The following PTK2 variants were observed in gnomAD, a reference collection of about 807,000 sequenced individuals.
PTK2 encodes focal adhesion kinase 1.
In PTK2, 45 loss-of-function variants were observed where a neutral mutation model predicts 150.1. That is an observed-to-expected ratio of 0.30 (90% CI 0.24 to 0.38). The LOEUF (loss-of-function observed/expected upper bound fraction) is 0.38, where lower values mean the gene tolerates loss of function less well. Among genes scored for constraint, PTK2 ranks in the 10% least tolerant of loss-of-function variants. PTK2 has a pLI of 1.00. For missense variants in PTK2, 919 were observed against 1,307.3 expected (o/e 0.70, Z 4.58); for synonymous variants, 432 against 449.2 (o/e 0.96, Z 0.48).
chr8:140,995,612 C>T (rs1193122733), intron 1 of PTK2, among the ~76,000 whole-genome samples: 3 of 151,452 alleles, frequency 2.0e-5, no homozygotes, highest in African/African-American at 4.9e-5. Flanking sequence ...GAACAGCCTG[C>T]GGAACACGGC....
intron 11 of PTK2, among the ~76,000 whole-genome samples, chr8:140,802,662 A>G (rs2100095798): frequency 6.6e-6 from 1 of 152,186 alleles, no homozygotes; most frequent in African/African-American, 2.4e-5. Context: ...TAAGGGCTCT[A>G]TGCAGGTGTA....
At chr8:140,701,056 T>A (rs754771596) in intron 25 of PTK2, 34 bp from the exon 29 acceptor site, 4 of 1,603,778 alleles carry the variant, frequency 2.5e-6, no homozygotes, top group Non-Finnish European at 3.4e-6. Context: ...ATATTCAGTC[T>A]CATAAGTCTA....
At chr8:140,837,745 A>G (rs1448518731) in intron 7 of PTK2, among the ~76,000 whole-genome samples, 1 of 146,926 alleles carries the variant, frequency 6.8e-6, no homozygotes. Flanking sequence ...ACAAACAAAA[A>G]CAAAAAAAGT....
chr8:141,001,495 C>G (rs940119773), upstream of PTK2: 4 of 152,340 alleles, frequency 2.6e-5, no homozygotes, highest in East Asian at 1.9e-4. Flanking sequence ...CGGGGTGGCC[C>G]GAGGCTGCGC....
intron 10 of PTK2, among the ~76,000 whole-genome samples, chr8:140,813,170 A>G (rs1412479035): frequency 6.6e-6 from 1 of 152,236 alleles, no homozygotes; most frequent in African/African-American, 2.4e-5. Flanking sequence ...AACTGAAATC[A>G]TAATAACCAT....
At chr8:140,887,226 C>T (rs2100152637) in intron 3 of PTK2, among the ~76,000 whole-genome samples, 1 of 152,152 alleles carries the variant, frequency 6.6e-6, no homozygotes, top group Non-Finnish European at 1.5e-5. Context: ...GCTTGTGTGA[C>T]CCTCTCACAG....
chr8:140,982,234 G>A (rs934910145), intron 1 of PTK2, among the ~76,000 whole-genome samples: 5 of 152,146 alleles, frequency 3.3e-5, no homozygotes, highest in Admixed American at 6.5e-5. Context: ...AGTCCCCACC[G>A]CCTTGCTTAG....
chr8:140,710,906 C>G (rs1221633576), intron 23 of PTK2, among the ~76,000 whole-genome samples: 1 of 152,154 alleles, frequency 6.6e-6, no homozygotes, highest in East Asian at 1.9e-4. Flanking sequence ...GAAGGACAGG[C>G]CTGAACAGCA....
chr8:140,890,649 G>T (rs762007942), exon 3 of PTK2: 1 of 1,614,062 alleles, frequency 6.2e-7, no homozygotes. Flanking sequence ...CATTGCACCA[G>T]GAGAACGTTC....
At chr8:140,880,414 T>G (rs13258028) in intron 3 of PTK2, among the ~76,000 whole-genome samples, 63,371 of 151,980 alleles carry the variant, frequency 0.42, 15,164 homozygotes, top group Non-Finnish European at 0.55. Flanking sequence ...ATGAGGGCCA[T>G]GAGAGAATAT....
intron 14 of PTK2, among the ~76,000 whole-genome samples, chr8:140,777,010 T>A (rs977145033): frequency 6.6e-6 from 1 of 152,142 alleles, no homozygotes; most frequent in African/African-American, 2.4e-5. Context: ...AAAGAGTTCT[T>A]CTATCATAAG....
chr8:140,959,177 G>C (rs1386774066), intron 1 of PTK2, among the ~76,000 whole-genome samples: 1 of 55,230 alleles, frequency 1.8e-5, no homozygotes, highest in South Asian at 6.1e-4. Flanking sequence ...TGATGGAAAA[G>C]GGAGTAAAAG....
rs369779798 is a variant in PTK2 at position 140,744,063 on chromosome 8, C to CG, written c.1634+588_1634+589insC. On this transcript the variant is annotated intron_variant, in intron 19 of 31. Transcript: ENST00000522684. ...AAGTGCTGGGACTACAGCTATGAGC[C>CG]ACCGCGCCCGGCCTATTTCTTTTTT... Among the ~76,000 whole-genome samples, 3 of 149,384 alleles carry CG rather than the reference C, an allele frequency of 2.0e-5. No individual in the cohort carries two copies. In the South Asian group the frequency reaches 6.2e-4, roughly 31 times the overall value.
chr8:140,809,398 A>G (rs552352677), intron 10 of PTK2, among the ~76,000 whole-genome samples: 1 of 152,352 alleles, frequency 6.6e-6, no homozygotes, highest in Non-Finnish European at 1.5e-5. Flanking sequence ...AGTTACTGGA[A>G]AGATTTTAAC....
At chr8:140,903,575 T>C (rs1364975903) in intron 2 of PTK2, among the ~76,000 whole-genome samples, 1 of 152,160 alleles carries the variant, frequency 6.6e-6, no homozygotes, top group Non-Finnish European at 1.5e-5. Context: ...CAGCATCGAA[T>C]CTATAAATTA....
intron 3 of PTK2, among the ~76,000 whole-genome samples, chr8:140,887,174 G>C (rs1243167803): frequency 1.3e-5 from 2 of 152,162 alleles, no homozygotes; most frequent in African/African-American, 2.4e-5. Context: ...GGCAGTACCT[G>C]GGGAGGTCCA....
At chr8:140,689,038 G>A (rs1463926596) in intron 26 of PTK2, among the ~76,000 whole-genome samples, 1 of 152,182 alleles carries the variant, frequency 6.6e-6, no homozygotes, top group Non-Finnish European at 1.5e-5. Flanking sequence ...GAGGTAGGTA[G>A]TTCCTGACTT....
intron 26 of PTK2, among the ~76,000 whole-genome samples, chr8:140,691,564 G>A (rs1361265223): frequency 6.6e-6 from 1 of 152,174 alleles, no homozygotes; most frequent in Non-Finnish European, 1.5e-5. Context: ...CATGAAGACA[G>A]AGGCTATGAA....
intron 27 of PTK2, among the ~76,000 whole-genome samples, chr8:140,684,770 AATGGTCATACCGCCCAAAGT>A (rs1474355187): frequency 1.6e-4 from 25 of 152,312 alleles, no homozygotes; most frequent in African/African-American, 5.8e-4. Context: ...ATATTGTTAT[AATGGTCATACCGCCCAAAGT>A]ATGGTCGTAC....
Sources: gnomAD v4.1 joint callset for allele counts (sites outside exome capture counted in the v4.1 genomes callset) on GRCh38, gnomAD v4.1.1 for gene constraint, MANE v1.5 for transcripts, NCBI Gene and HGNC (gene_info 2026-07-23, HGNC 2026-07-21) for gene names.